Variants in IQSEC3 observed in about 807,000 individuals in gnomAD.
The protein encoded by IQSEC3 is IQ motif and SEC7 domain-containing protein 3.
Under a neutral mutation model 105.4 loss-of-function variants are expected in IQSEC3, and 50 were observed. The ratio of observed to expected loss-of-function variants is 0.47; its 90% confidence interval spans 0.38 to 0.60. The LOEUF (loss-of-function observed/expected upper bound fraction) is 0.60, where lower values mean the gene tolerates loss of function less well. IQSEC3 is among the 20% of genes least tolerant of loss of function. The pLI, the probability that IQSEC3 is intolerant of heterozygous loss-of-function variation, is 0.00. For missense variants in IQSEC3, 1,415 were observed against 1,630.0 expected, an observed-to-expected ratio of 0.87 and a Z score of 2.27; for synonymous variants, 708 against 746.0, an observed-to-expected ratio of 0.95 and a Z score of 0.83.
At chr12:162,865 G>A (rs143765676) in intron 8 of IQSEC3, among the ~76,000 whole-genome samples, 125 of 152,246 alleles carry the variant, frequency 8.2e-4, no homozygotes, top group African/African-American at 2.7e-3. Flanking sequence ...TCTGCAGGCC[G>A]CAGCCTGGGG....
Position 169,098 on chromosome 12 carries a change from G to C in IQSEC3, c.3057G>C (p.Ser1019=), listed in dbSNP as rs532156772. ...AQGDPQSKQG[S]PTAKREAALR... ...GGGACCCACAGTCAAAGCAAGGATC[G>C]CCGACAGGTGAGCCTCGGCTCCGCT... The change falls in exon 12 of 14, where the codon TCG becomes TCC. Residue 1019 remains serine (S), a synonymous_variant. Transcript: ENST00000538872. The C allele has an allele frequency of 2.5e-6, 4 of 1,613,692 alleles. No homozygotes were observed. In the South Asian group the frequency reaches 4.4e-5, roughly 18 times the overall value.
In IQSEC3 at chr12:139,144, T is replaced by TGGAGCAGCTGAGCA; in HGVS notation, c.1783_1796dup (p.Ser599ArgfsTer4). On this transcript the variant is annotated frameshift_variant, in exon 4 of 14. Coordinates refer to ENST00000538872, the MANE Select transcript of IQSEC3 (RefSeq NM_001170738.2). LOFTEE classifies it high-confidence loss of function. The stretch of plus-strand genomic sequence containing the variant: ...GGGGCCGAGGCCGAGGCAGGCGACT[T>TGGAGCAGCTGAGCA]GGAGCAGCTGAGCAGCAGCAGCACG... 6.5e-7 allele frequency: 1 copy of TGGAGCAGCTGAGCA among 1,536,740 alleles called. No individual in the cohort carries two copies. The highest frequency in any genetic ancestry group is 8.8e-7 in the Non-Finnish European group (1 of 1,140,698).
intron 11 of IQSEC3, 70 bp downstream of exon 11, chr12:165,960 C>T: frequency 6.5e-7 from 1 of 1,549,146 alleles, no homozygotes; most frequent in Non-Finnish European, 8.8e-7. Flanking sequence ...CAGCTTGAGA[C>T]AGACATGCCT....
intron 5 of IQSEC3, among the ~76,000 whole-genome samples, chr12:149,672 A>T (rs906696753): frequency 6.6e-6 from 1 of 152,192 alleles, no homozygotes; most frequent in Non-Finnish European, 1.5e-5. Context: ...AAATGTTATG[A>T]CACAGGGAGA....
chr12:157,587 T>C lies in IQSEC3; in HGVS notation c.2336T>C (p.Ile779Thr). The C allele has an allele frequency of 6.2e-7, 1 of 1,614,158 alleles. No homozygotes were observed. Among genetic ancestry groups the C allele is most frequent in the Non-Finnish European group, 8.5e-7 (1 of 1,180,008 alleles). ...VVQQFHNPDT[I>T]FILAFAIILL... ...CAGCAGTTCCACAACCCCGACACCA[T>C]CTTCATCCTCGCCTTCGCCATCATC... The change falls in exon 7 of 14, where the codon ATC (isoleucine) becomes ACC (threonine). Residue 779 changes from isoleucine to threonine, a missense_variant. By Grantham distance (89) the Ile-to-Thr change is moderately conservative. Around this residue, in one of 6 missense-constraint regions of IQSEC3, gnomAD observed 213 missense variants for 306.2 expected, o/e 0.70. Transcript: ENST00000538872.
intron 3 of IQSEC3, among the ~76,000 whole-genome samples, chr12:133,935 T>C (rs1195285886): frequency 6.6e-6 from 1 of 151,982 alleles, no homozygotes; most frequent in Non-Finnish European, 1.5e-5. Context: ...CAGAGGTTAT[T>C]GTTCTGGAGG....
At chr12:125,470 G>T (rs1157907389) in intron 2 of IQSEC3, among the ~76,000 whole-genome samples, 163 bp from the exon 3 acceptor site, 1 of 152,054 alleles carries the variant, frequency 6.6e-6, no homozygotes, top group Non-Finnish European at 1.5e-5. Context: ...GCTCATCCCT[G>T]CCATGGTAGC....
intron 2 of IQSEC3, among the ~76,000 whole-genome samples, chr12:100,357 T>C (rs1456710900): frequency 1.3e-5 from 2 of 152,226 alleles, no homozygotes; most frequent in African/African-American, 2.4e-5. Flanking sequence ...GGACTCCTCA[T>C]GCTCACCATT....
At chr12:74,665 C>A (rs1426786459) in intron 1 of IQSEC3, among the ~76,000 whole-genome samples, 1 of 152,252 alleles carries the variant, frequency 6.6e-6, no homozygotes, top group Non-Finnish European at 1.5e-5. Context: ...TCTGTGCTGG[C>A]ATCAGACCAT....
intron 1 of IQSEC3, among the ~76,000 whole-genome samples, chr12:92,364 G>A (rs562588755): frequency 3.9e-4 from 60 of 152,240 alleles, no homozygotes; most frequent in African/African-American, 7.7e-4. Context: ...CGCAGAACTC[G>A]CAGGGCCACA....
rs911002502 is a variant in IQSEC3, at chr12:81,817, G to A, written c.554+14381G>A. Among the ~76,000 whole-genome samples the A allele has an allele frequency of 2.6e-5, 4 of 152,166 alleles. No homozygotes were observed. The East Asian group carries it at 7.7e-4, about 29-fold the overall frequency. The stretch of plus-strand genomic sequence containing the variant: ...ATTTGCAATGCACACAACACTAAAA[G>A]GTGGGCATGGGAGCTGAGAAGGAGC... On this transcript the variant is annotated intron_variant, in intron 1 of 13. Transcript: ENST00000538872.
At chr12:113,112 T>A (rs1555079923) in intron 2 of IQSEC3, among the ~76,000 whole-genome samples, 1 of 152,080 alleles carries the variant, frequency 6.6e-6, no homozygotes, top group Non-Finnish European at 1.5e-5. Flanking sequence ...CTTCCTTCCC[T>A]CCATGCTGGC....
chr12:131,160 G>A lies in IQSEC3; in HGVS notation c.903+5248G>A, dbSNP rs775837126. 6.4e-4 allele frequency among the ~76,000 whole-genome samples: 97 copies of A among 152,028 alleles called. 2 individuals carry two copies. Among genetic ancestry groups the A allele is most frequent in the Admixed American group, 2.5e-3 (38 of 15,220 alleles). On this transcript the variant is annotated intron_variant, in intron 3 of 13. Transcript: ENST00000538872. ...ACAGCAACCTGAAAGAAGGGGGCAC[G>A]TTCTAATTAACACTGAGAGGCTCAT...
chr12:122,317 C>T (rs1389036602), intron 2 of IQSEC3, among the ~76,000 whole-genome samples: 4 of 152,142 alleles, frequency 2.6e-5, no homozygotes, highest in Non-Finnish European at 5.9e-5. Flanking sequence ...AAGCTCCCTC[C>T]GTGGAACAGA....
chr12:114,072 T>A (rs1433705292), intron 2 of IQSEC3, among the ~76,000 whole-genome samples: 1 of 152,234 alleles, frequency 6.6e-6, no homozygotes, highest in African/African-American at 2.4e-5. Flanking sequence ...GCATAGCACT[T>A]AACTTCTTAG....
At chr12:129,311 G>A (rs998773830) in intron 3 of IQSEC3, among the ~76,000 whole-genome samples, 22 of 152,184 alleles carry the variant, frequency 1.4e-4, no homozygotes, top group African/African-American at 1.9e-4. Flanking sequence ...CATCTTTGCC[G>A]CCCTGCACCT....
At chr12:162,115 C>T in intron 8 of IQSEC3, 50 bp downstream of exon 8, 1 of 1,594,692 alleles carries the variant, frequency 6.3e-7, no homozygotes, top group Non-Finnish European at 8.6e-7. Context: ...TTTCTTTCTT[C>T]CTGGCATCTC....
At chr12:144,046 C>T (rs1866155674) in intron 5 of IQSEC3, 1 of 152,470 alleles carries the variant, frequency 6.6e-6, no homozygotes, top group Non-Finnish European at 1.5e-5. Context: ...GCCGCAATCC[C>T]TCATGCTTGA....
chr12:124,523 T>C (rs1470845203), intron 2 of IQSEC3, among the ~76,000 whole-genome samples: 1 of 151,956 alleles, frequency 6.6e-6, no homozygotes, highest in Non-Finnish European at 1.5e-5. Context: ...CCTCCTAAGG[T>C]AGGAATTAGG....
Sources: allele counts gnomAD v4.1 joint callset (sites outside exome capture counted in the v4.1 genomes callset), GRCh38; gene constraint gnomAD v4.1.1; regional missense constraint gnomAD v4.1.1; transcripts MANE v1.5; gene names NCBI Gene and HGNC (gene_info 2026-07-23, HGNC 2026-07-21).